Variants in CDK5RAP1 observed in about 807,000 individuals in gnomAD.
The protein encoded by CDK5RAP1 is CDK5RAP1 mitochondrial tRNA methylthiotransferase.
A neutral mutation model predicts 64.5 loss-of-function variants in CDK5RAP1; 62 were observed. That is an observed-to-expected ratio of 0.96 (90% confidence interval 0.78 to 1.19). CDK5RAP1 has a LOEUF of 1.19. Among genes scored for constraint, CDK5RAP1 ranks in the 50% most tolerant of loss-of-function variants. CDK5RAP1 has a pLI of 0.00. For missense variants in CDK5RAP1, 657 were observed against 735.0 expected (o/e 0.89, Z 1.23); for synonymous variants, 250 against 261.9 (o/e 0.95, Z 0.44).
At chr20:33,360,282 T>C (rs776436781) in intron 13 of CDK5RAP1, 69 bp downstream of exon 13, 42 of 1,502,754 alleles carry the variant, frequency 2.8e-5, no homozygotes, top group African/African-American at 5.6e-5. Flanking sequence ...GAAAAAACTT[T>C]ATTACCACAA....
chr20:33,360,465 C>T lies in CDK5RAP1; in HGVS notation c.1569G>A (p.Leu523=). ...TAAGGTTTCCATCATTCCTGCCACA[C>T]AGGTCAGTGGCAGAGCGTTTACTGA... The part of the protein sequence containing the change: ...EGLSKRSATD[L]CGRNDGNLKV... Residue 523 remains leucine, a synonymous_variant, in exon 13 of 14, where the codon CTG becomes CTA. Coordinates refer to ENST00000346416, the MANE Select transcript of CDK5RAP1 (RefSeq NM_016408.4). The T allele has an allele frequency of 6.2e-7, 1 of 1,613,036 alleles. No homozygotes were observed. Among genetic ancestry groups the T allele is most frequent in the Non-Finnish European group, 8.5e-7 (1 of 1,179,280 alleles).
chr20:33,390,056 C>T (rs754499128), intron 5 of CDK5RAP1, among the ~76,000 whole-genome samples: 4 of 151,312 alleles, frequency 2.6e-5, no homozygotes, highest in Non-Finnish European at 5.9e-5. Flanking sequence ...GAGGGTGGAT[C>T]ACTTGAGCCC....
intron 10 of CDK5RAP1, among the ~76,000 whole-genome samples, chr20:33,371,283 T>C (rs538095151): frequency 1.7e-3 from 262 of 152,146 alleles, no homozygotes; most frequent in Non-Finnish European, 3.1e-3. Flanking sequence ...GACAGAATGA[T>C]AACCTATCCC....
chr20:33,373,149 CGTGT>C (rs148856565), intron 9 of CDK5RAP1: 15 of 140,022 alleles, frequency 1.1e-4, no homozygotes, highest in South Asian at 4.6e-4. Context: ...CCATGTTGCC[CGTGT>C]GTGTGTGTGT....
At chr20:33,387,706 G>T (rs1987635609) in intron 5 of CDK5RAP1, among the ~76,000 whole-genome samples, 173 bp from the exon 6 acceptor site, 1 of 152,114 alleles carries the variant, frequency 6.6e-6, no homozygotes, top group Admixed American at 6.6e-5. Flanking sequence ...ACTGGAGCCT[G>T]TATCTTCCTA....
chr20:33,386,796 A>G (rs904901716), intron 6 of CDK5RAP1, among the ~76,000 whole-genome samples: 8 of 149,102 alleles, frequency 5.4e-5, no homozygotes, highest in African/African-American at 2.0e-4. Flanking sequence ...AAAAAACCCT[A>G]TAGTAAATAT....
chr20:33,366,672 T>C (rs1421848748), intron 12 of CDK5RAP1, among the ~76,000 whole-genome samples, 187 bp downstream of exon 12: 6 of 151,914 alleles, frequency 3.9e-5, no homozygotes, highest in Non-Finnish European at 1.5e-5. Flanking sequence ...ATCTGTATAC[T>C]GAAAACTACA....
At chr20:33,389,451 G>A (rs1425989358) in intron 5 of CDK5RAP1, among the ~76,000 whole-genome samples, 5 of 152,238 alleles carry the variant, frequency 3.3e-5, no homozygotes, top group Admixed American at 1.3e-4. Context: ...TGGGAAGTGA[G>A]GAGCGTCTCC....
intron 12 of CDK5RAP1, among the ~76,000 whole-genome samples, chr20:33,363,134 G>A (rs1030087488): frequency 6.6e-6 from 1 of 152,142 alleles, no homozygotes; most frequent in African/African-American, 2.4e-5. Flanking sequence ...GCCAAAGAAT[G>A]CATAACCTGA....
At chr20:33,377,647 T>G (rs1986183326) in intron 8 of CDK5RAP1, among the ~76,000 whole-genome samples, 2 of 152,130 alleles carry the variant, frequency 1.3e-5, no homozygotes, top group Non-Finnish European at 2.9e-5. Flanking sequence ...GTGGTTTTTT[T>G]GGGTTTTCTT....
chr20:33,391,136 C>T, intron 5 of CDK5RAP1, among the ~76,000 whole-genome samples: 1 of 151,770 alleles, frequency 6.6e-6, no homozygotes, highest in East Asian at 1.9e-4. Context: ...CACCTGTAGA[C>T]CTAGCTACCC....
At chr20:33,376,845 G>A (rs958605631) in intron 8 of CDK5RAP1, among the ~76,000 whole-genome samples, 1 of 152,068 alleles carries the variant, frequency 6.6e-6, no homozygotes, top group Non-Finnish European at 1.5e-5. Context: ...ATGATTCATG[G>A]GAAGAGGTCG....
intron 12 of CDK5RAP1, among the ~76,000 whole-genome samples, chr20:33,365,912 T>C (rs1333959589): frequency 6.6e-6 from 1 of 152,194 alleles, no homozygotes; most frequent in Non-Finnish European, 1.5e-5. Flanking sequence ...ACTGGCCATG[T>C]CTGGAGGAAA....
At chr20:33,385,252 A>G (rs1173896186) in intron 7 of CDK5RAP1, among the ~76,000 whole-genome samples, 2 of 152,174 alleles carry the variant, frequency 1.3e-5, no homozygotes, top group Non-Finnish European at 2.9e-5. Context: ...CAAATTCATA[A>G]TTTCTCAAAA....
At chr20:33,367,196 A>G (rs1205880106) in intron 11 of CDK5RAP1, among the ~76,000 whole-genome samples, 188 bp from the exon 12 acceptor site, 2 of 152,184 alleles carry the variant, frequency 1.3e-5, no homozygotes, top group African/African-American at 4.8e-5. Context: ...TAGTGGAGTC[A>G]TATTTTTGCA....
At chr20:33,374,622 G>A (rs1985690228) in intron 8 of CDK5RAP1, among the ~76,000 whole-genome samples, 1 of 150,920 alleles carries the variant, frequency 6.6e-6, no homozygotes, top group Admixed American at 6.6e-5. Flanking sequence ...GGAGTACAGT[G>A]GTGCCATCTC....
chr20:33,396,321 C>G (rs1437508322), intron 2 of CDK5RAP1, among the ~76,000 whole-genome samples: 1 of 152,162 alleles, frequency 6.6e-6, no homozygotes. Flanking sequence ...AACCCCCGTC[C>G]CCACCAGCAG....
At chr20:33,393,312 A>AT (rs1988537216) in intron 4 of CDK5RAP1, among the ~76,000 whole-genome samples, 1 of 152,060 alleles carries the variant, frequency 6.6e-6, no homozygotes, top group African/African-American at 2.4e-5. Context: ...GAGTGCTGGG[A>AT]TTATAGGTGT....
chr20:33,364,313 A>G (rs1402835424), intron 12 of CDK5RAP1, among the ~76,000 whole-genome samples: 1 of 145,908 alleles, frequency 6.9e-6, no homozygotes, highest in African/African-American at 2.6e-5. Context: ...TCAGCCTCCC[A>G]AAGTCACTGG....
Sources: allele counts gnomAD v4.1 joint callset (sites outside exome capture counted in the v4.1 genomes callset), GRCh38; gene constraint gnomAD v4.1.1; transcripts MANE v1.5; gene names NCBI Gene and HGNC (gene_info 2026-07-23, HGNC 2026-07-21).